BPIFB1: variants seen among roughly 807,000 people sequenced by gnomAD.
The protein encoded by BPIFB1 is BPI fold containing family B member 1.
A neutral mutation model predicts 55.1 loss-of-function variants in BPIFB1; 34 were observed. The ratio of observed to expected loss-of-function variants is 0.62; its 90% CI spans 0.47 to 0.82. The LOEUF is 0.82. Among genes scored for constraint, BPIFB1 ranks in the 40% least tolerant of loss-of-function variants. The probability of loss-of-function intolerance (pLI) is 0.00; values close to 1 mark genes in which losing one functional copy is unlikely to be tolerated. For missense variants in BPIFB1, 532 were observed against 593.1 expected (o/e 0.90, Z 1.07); for synonymous variants, 236 against 245.3 (o/e 0.96, Z 0.35).
intron 1 of BPIFB1, among the ~76,000 whole-genome samples, chr20:33,284,321 C>G (rs932909749): frequency 6.6e-6 from 1 of 152,214 alleles, no homozygotes; most frequent in African/African-American, 2.4e-5. Context: ...CCTCCACCTT[C>G]AGGCCTCCTA....
chr20:33,301,156 G>A (rs760093742), intron 8 of BPIFB1, 77 bp from the exon 9 acceptor site: 168 of 1,420,082 alleles, frequency 1.2e-4, no homozygotes, highest in Non-Finnish European at 1.5e-4. Flanking sequence ...GCTGAATGGT[G>A]TCATTTCCTT....
At chr20:33,296,772 A>G (rs1316348419) in intron 6 of BPIFB1, among the ~76,000 whole-genome samples, 1 of 152,224 alleles carries the variant, frequency 6.6e-6, no homozygotes, top group African/African-American at 2.4e-5. Flanking sequence ...CCAGTGAGCA[A>G]AGGGATGTGT....
Position 33,306,843 on chromosome 20 carries a change from T to A in BPIFB1, c.1319-68T>A, listed in dbSNP as rs906472512. On this transcript the variant is annotated intron_variant, in intron 14 of 15. Transcript: ENST00000253354. Reference sequence around the variant, plus strand: ...GGCCGGGGCTCCCCTTCAGGAACCCTGAGCCTGCCCCTGGCTGCCCAGTCT... The same window carrying A: ...GGCCGGGGCTCCCCTTCAGGAACCCAGAGCCTGCCCCTGGCTGCCCAGTCT... 7 of 1,384,864 alleles carry A rather than the reference T, an allele frequency of 5.1e-6. No individual in the cohort carries two copies. In the African/African-American group the frequency reaches 9.9e-5, roughly 20 times the overall value. The allele number at this position is 1,384,864 out of a possible 1,614,324, so 85.8% of individuals were successfully genotyped here.
At chr20:33,304,123 G>A in intron 12 of BPIFB1, 98 bp downstream of exon 12, 1 of 1,104,152 alleles carries the variant, frequency 9.1e-7, no homozygotes, top group Non-Finnish European at 1.3e-6. Flanking sequence ...GCTGTCAGGT[G>A]AAGGCGGCTC....
At chr20:33,308,866 A>C (rs369698848) in intron 15 of BPIFB1, among the ~76,000 whole-genome samples, 60 of 150,716 alleles carry the variant, frequency 4.0e-4, no homozygotes, top group Admixed American at 3.3e-4. Flanking sequence ...ACACATACAC[A>C]CTACACACAC....
intron 1 of BPIFB1, among the ~76,000 whole-genome samples, chr20:33,285,122 C>A (rs6057813): frequency 0.08 from 12,187 of 152,062 alleles, 634 homozygotes; most frequent in African/African-American, 0.15. Context: ...GGGAAAGTGA[C>A]AAATCTTGGC....
intron 2 of BPIFB1, among the ~76,000 whole-genome samples, chr20:33,287,248 G>A (rs983951168): frequency 2.6e-5 from 4 of 152,218 alleles, no homozygotes; most frequent in African/African-American, 9.7e-5. Context: ...GGTTTTGAAG[G>A]TGACCCCAGA....
chr20:33,307,278 G>A (rs1319873279), intron 15 of BPIFB1: 1 of 370,892 alleles, frequency 2.7e-6, no homozygotes, highest in East Asian at 5.1e-5. Flanking sequence ...CTATAGGCAA[G>A]CCATGCTTCT....
chr20:33,286,507 C>A (rs563594220), intron 2 of BPIFB1, among the ~76,000 whole-genome samples: 50 of 152,352 alleles, frequency 3.3e-4, no homozygotes, highest in African/African-American at 1.1e-3. Flanking sequence ...ATCGTCAGAG[C>A]ACCCCGTCTT....
intron 12 of BPIFB1, among the ~76,000 whole-genome samples, chr20:33,304,517 C>A (rs970657637): frequency 6.6e-6 from 1 of 152,170 alleles, no homozygotes; most frequent in Admixed American, 6.5e-5. Context: ...CTGCCCTGTG[C>A]CCACAATCCT....
Position 33,301,311 on chromosome 20 carries a change from G to T in BPIFB1, c.826G>T (p.Asp276Tyr). 6.2e-7 allele frequency: 1 copy of T among 1,614,226 alleles called. No homozygotes were observed. The highest frequency in any genetic ancestry group is 2.2e-5 in the East Asian group (1 of 44,894). ...SAASLTMPTL[D>Y]NIPFSLIVSQ... The stretch of plus-strand genomic sequence containing the variant: ...AGCTTCCCTGACAATGCCCACCCTG[G>T]ACAACATCCCGTTCAGCCTCATCGT... The change falls in exon 9 of 16, where the codon GAC becomes TAC. Residue 276 changes from aspartate to tyrosine, a missense_variant. Transcript: ENST00000253354.
At position 33,291,473 on chromosome 20, in the gene BPIFB1, G is replaced by A. The variant is rs150239937; in HGVS notation, c.515+367G>A. Among the ~76,000 whole-genome samples, 13 of 152,326 alleles carry A rather than the reference G, an allele frequency of 8.5e-5. No individual in the cohort carries two copies. In the East Asian group the frequency reaches 1.5e-3, roughly 18 times the overall value. ...CTTCATTTGCTCTCCGGGTGATGAT[G>A]GCCAAGTGGCCACCCTGTGTCTCAC... On this transcript the variant is annotated intron_variant, in intron 5 of 15. Coordinates refer to ENST00000253354, the MANE Select transcript of BPIFB1 (RefSeq NM_033197.3).
intron 13 of BPIFB1, 152 bp downstream of exon 13, chr20:33,305,043 C>G (rs1333881063): frequency 1.2e-6 from 1 of 803,596 alleles, no homozygotes; most frequent in African/African-American, 1.7e-5. Flanking sequence ...CAACTTCCCT[C>G]GAGTGTTTAC....
At chr20:33,302,840 G>A in intron 10 of BPIFB1, 76 bp from the exon 11 acceptor site, 4 of 1,542,368 alleles carry the variant, frequency 2.6e-6, no homozygotes, top group Non-Finnish European at 3.5e-6. Context: ...AGGCAGGCAG[G>A]GGCCAGGCCA....
chr20:33,306,081 A>G lies in BPIFB1; in HGVS notation c.1318+16A>G, dbSNP rs898317559. 1 of 1,613,856 alleles carries G rather than the reference A, an allele frequency of 6.2e-7. No individual in the cohort carries two copies. The highest frequency in any genetic ancestry group is 8.5e-7 in the Non-Finnish European group (1 of 1,179,772). Reference sequence around the variant, plus strand: ...AACCAGAATGGTGCATACCTCTGCCATCTGTGCCCCCTCTCTCCCCAGGGC... The same window carrying G: ...AACCAGAATGGTGCATACCTCTGCCGTCTGTGCCCCCTCTCTCCCCAGGGC... On this transcript the variant is annotated intron_variant, in intron 14 of 15. Coordinates refer to ENST00000253354, the MANE Select transcript of BPIFB1 (RefSeq NM_033197.3).
Position 33,309,659 on chromosome 20 carries a change from G to A in BPIFB1, c.1396-49G>A, listed in dbSNP as rs1331982888. On this transcript the variant is annotated intron_variant, in intron 15 of 15. Coordinates refer to ENST00000253354, the MANE Select transcript of BPIFB1 (RefSeq NM_033197.3). This position sits in a 1 kb window ranked among gnomAD's most constrained non-coding sequence, Gnocchi z 4.4. The stretch of plus-strand genomic sequence containing the variant: ...GGACAAAACCAGCATAAACCACAAG[G>A]CAAAAGGTTAAAGAAACCTGTTTTC... 6.3e-7 allele frequency: 1 copy of A among 1,582,932 alleles called. No homozygotes were observed. The highest frequency in any genetic ancestry group is 8.7e-7 in the Non-Finnish European group (1 of 1,152,022).
At chr20:33,283,818 G>A (rs1980178787) in intron 1 of BPIFB1, among the ~76,000 whole-genome samples, 1 of 152,150 alleles carries the variant, frequency 6.6e-6, no homozygotes, top group South Asian at 2.1e-4. Context: ...GTGGTGCCTG[G>A]ATCTGGGGGA....
chr20:33,291,770 GC>G, intron 5 of BPIFB1, 136 bp from the exon 6 acceptor site: 1 of 726,632 alleles, frequency 1.4e-6, no homozygotes, highest in Non-Finnish European at 2.3e-6. Context: ...GCTACTCCCA[GC>G]CCCGTCTCTA....
At chr20:33,306,125 C>T (rs1981018987) in intron 14 of BPIFB1, 60 bp downstream of exon 14, 2 of 1,574,276 alleles carry the variant, frequency 1.3e-6, no homozygotes, top group Non-Finnish European at 1.7e-6. Context: ...ACTTCCCCTG[C>T]CCTCATCTCC....
Sources: allele counts gnomAD v4.1 joint callset (sites outside exome capture counted in the v4.1 genomes callset), GRCh38; gene constraint gnomAD v4.1.1; non-coding constraint Gnocchi (gnomAD v3.1); transcripts MANE v1.5; gene names NCBI Gene and HGNC (gene_info 2026-07-23, HGNC 2026-07-21).